The following HERC6 variants were observed in gnomAD, a reference collection of about 807,000 sequenced individuals.
HERC6 encodes probable E3 ubiquitin-protein ligase HERC6.
HERC6 carries 101 observed loss-of-function variants against 114.5 expected under a neutral mutation model. That is an observed-to-expected ratio of 0.88 (90% CI 0.75 to 1.04). The LOEUF (loss-of-function observed/expected upper bound fraction) is 1.04, where lower values mean the gene tolerates loss of function less well. HERC6 is among the 50% of genes least tolerant of loss of function. HERC6 has a pLI of 0.00. For synonymous variants in HERC6, 408 were observed against 436.2 expected (o/e 0.94, Z 0.81); for missense variants, 1,133 against 1,230.9 (o/e 0.92, Z 1.19).
intron 20 of HERC6, among the ~76,000 whole-genome samples, chr4:88,439,182 G>A (rs1208110559): frequency 1.3e-5 from 2 of 152,144 alleles, no homozygotes; most frequent in Non-Finnish European, 2.9e-5. Flanking sequence ...CTACAAAAGA[G>A]AGACAAGACC....
intron 12 of HERC6, 69 bp downstream of exon 12, chr4:88,413,335 A>G: frequency 2.7e-6 from 3 of 1,131,768 alleles, no homozygotes; most frequent in South Asian, 3.0e-5. Context: ...GTTGTAGCAA[A>G]TTTTGAATAG....
At chr4:88,409,563 G>A (rs1735983228) in intron 11 of HERC6, among the ~76,000 whole-genome samples, 1 of 152,164 alleles carries the variant, frequency 6.6e-6, no homozygotes, top group Non-Finnish European at 1.5e-5. Context: ...ATGCTCGAGA[G>A]GTGGATAATC....
At chr4:88,393,434 C>A in intron 4 of HERC6, 54 bp from the exon 5 acceptor site, 2 of 963,304 alleles carry the variant, frequency 2.1e-6, no homozygotes, top group South Asian at 1.8e-5. Context: ...TGTAAATAGT[C>A]ATGAAATCTG....
intron 16 of HERC6, 45 bp downstream of exon 16, chr4:88,428,795 G>T: frequency 7.1e-7 from 1 of 1,411,764 alleles, no homozygotes; most frequent in Non-Finnish European, 9.4e-7. Flanking sequence ...CTGTGGGAGG[G>T]ATGCATTCAT....
intron 3 of HERC6, among the ~76,000 whole-genome samples, chr4:88,386,456 T>C (rs1734589161): frequency 1.3e-5 from 2 of 152,184 alleles, no homozygotes; most frequent in Non-Finnish European, 2.9e-5. Flanking sequence ...TCCACCTGCC[T>C]TGGTCTCCCA....
rs1332678661 is a variant in HERC6 at position 88,413,257 on chromosome 4, C to T, written c.1549C>T (p.Gln517Ter). ...GTGTGAAATGAGTAAACAATCTTTG[C>T]AAGTCCTAAGTAAGTTTTATGTCAC... Reference protein sequence around the residue: ...AVCEMSKQSLQVLKKCWAFLQ... With the variant: ...AVCEMSKQSL Residue 517 changes from glutamine (Q) to a stop codon, truncating the protein, a stop_gained, in exon 12 of 23, where the codon CAA becomes TAA. Coordinates refer to ENST00000264346, the MANE Select transcript of HERC6 (RefSeq NM_017912.4). LOFTEE classifies it high-confidence loss of function. 1.9e-6 allele frequency: 3 copies of T among 1,611,204 alleles called. No homozygotes were observed. In the African/African-American group the frequency reaches 4.0e-5, roughly 22 times the overall value.
Position 88,439,741 on chromosome 4 carries a change from A to G in HERC6, c.2556-133A>G, listed in dbSNP as rs1006467650. On this transcript the variant is annotated intron_variant, in intron 20 of 22. Coordinates refer to ENST00000264346, the MANE Select transcript of HERC6 (RefSeq NM_017912.4). ...GACCAGGTTTTGGTCACAATACAAC[A>G]TTCTTGTGCTATATAGAAGTAATTT... The G allele has an allele frequency of 3.8e-6, 3 of 797,422 alleles. No individual in the cohort carries two copies. In the African/African-American group the frequency reaches 5.4e-5, roughly 14 times the overall value. The allele number at this position is 797,422 out of a possible 1,614,324, so 49.4% of individuals were successfully genotyped here. A position where few individuals can be genotyped will look rare whatever the true frequency, so the allele number is the denominator to read the frequency against.
chr4:88,415,835 A>C (rs895148481), intron 12 of HERC6, among the ~76,000 whole-genome samples: 1 of 152,234 alleles, frequency 6.6e-6, no homozygotes, highest in African/African-American at 2.4e-5. Context: ...TAATAATTGT[A>C]GGGAAACCAA....
In HERC6 at chr4:88,424,544, T is replaced by G. The variant is rs562810589; in HGVS notation, c.1828-51T>G. On this transcript the variant is annotated intron_variant, in intron 14 of 22. Coordinates refer to ENST00000264346, the MANE Select transcript of HERC6 (RefSeq NM_017912.4). ...GGCGATAAGGTAAAGGAAGTAAGTT[T>G]TTTTTCATTGTTTTTAATTATCAAA... is the stretch of plus-strand genomic sequence containing the variant. 6.5e-5 allele frequency: 90 copies of G among 1,392,806 alleles called. No individual in the cohort carries two copies. The African/African-American group carries it at 1.2e-3, about 19-fold the overall frequency. The allele number at this position is 1,392,806 out of a possible 1,614,324, so 86.3% of individuals were successfully genotyped here.
chr4:88,386,237 G>A (rs1253141338), intron 3 of HERC6, among the ~76,000 whole-genome samples: 1 of 118,306 alleles, frequency 8.5e-6, no homozygotes, highest in East Asian at 2.5e-4. Context: ...ATGGAGTCTT[G>A]TTCTGTCACC....
chr4:88,393,537 G>A lies in HERC6; in HGVS notation c.714G>A (p.Val238=), dbSNP rs1461759776. 1.2e-6 allele frequency: 2 copies of A among 1,612,754 alleles called. No homozygotes were observed. Among genetic ancestry groups the A allele is most frequent in the Admixed American group, 1.7e-5 (1 of 59,968 alleles). Residue 238 remains valine (V), a synonymous_variant, in exon 5 of 23, where the codon GTG becomes GTA. Transcript: ENST00000264346. ...LSVGALKNLG[V]VYISCGDAHT... The stretch of plus-strand genomic sequence containing the variant: ...TCGGTGCACTGAAGAATCTAGGTGT[G>A]GTTTATATCAGCTGTGGTGATGCAC...
At position 88,408,555 on chromosome 4, in the gene HERC6, G is replaced by A; in HGVS notation, c.1306G>A (p.Asp436Asn). The change falls in exon 11 of 23, where the codon GAC becomes AAC. Residue 436 changes from aspartate to asparagine, a missense_variant. By Grantham distance (23) the Asp-to-Asn change is conservative (BLOSUM62 1). This residue lies in a region of HERC6 where 735 missense variants were observed against 754.0 expected (regional missense o/e 0.97). Transcript: ENST00000264346. ...TGGAGAAACGACTTCCATTGATGTG[G>A]ACTTAGAAATGGCAAGAGATACCTT... ...GTGETTSIDV[D>N]LEMARDTFKK... 6.2e-7 allele frequency: 1 copy of A among 1,600,500 alleles called. No individual in the cohort carries two copies. Among genetic ancestry groups the A allele is most frequent in the East Asian group, 2.2e-5 (1 of 44,590 alleles).
At chr4:88,379,198 AC>A (rs1343774688) in intron 1 of HERC6, 78 bp downstream of exon 1, 7 of 1,212,544 alleles carry the variant, frequency 5.8e-6, no homozygotes, top group Non-Finnish European at 7.8e-6. Context: ...GGCGCAGGGA[AC>A]CGGGTGCGGA....
At chr4:88,380,171 ATATAAT>A (rs1734152187) in intron 1 of HERC6, among the ~76,000 whole-genome samples, 1 of 32,110 alleles carries the variant, frequency 3.1e-5, no homozygotes, top group African/African-American at 1.4e-4. Context: ...ATAAATATAT[ATATAAT>A]ATATAAATAT....
At position 88,416,596 on chromosome 4, in the gene HERC6, C is replaced by T. The variant is rs555735222; in HGVS notation, c.1559-829C>T. 1.4e-3 allele frequency among the ~76,000 whole-genome samples: 211 copies of T among 152,046 alleles called. 1 individual carries two copies. The highest frequency in any genetic ancestry group is 5.0e-3 in the African/African-American group (206 of 41,552). On this transcript the variant is annotated intron_variant, in intron 12 of 22. Coordinates refer to ENST00000264346, the MANE Select transcript of HERC6 (RefSeq NM_017912.4). Reference sequence around the variant, plus strand: ...AACTAAAATAATTCCCATCCTCCTGCTGTAATTGTTATTATTTTATTTTTA... The same window carrying T: ...AACTAAAATAATTCCCATCCTCCTGTTGTAATTGTTATTATTTTATTTTTA...
chr4:88,398,983 C>T (rs576473277), intron 8 of HERC6: 1 of 152,172 alleles, frequency 6.6e-6, no homozygotes, highest in Non-Finnish European at 1.5e-5. Context: ...CAGTAGCTTA[C>T]ACCATTATCC....
chr4:88,424,189 T>A (rs996582273), intron 14 of HERC6, among the ~76,000 whole-genome samples: 10 of 152,190 alleles, frequency 6.6e-5, no homozygotes, highest in Admixed American at 5.2e-4. Flanking sequence ...TAATTCGGAT[T>A]CTTACAGATT....
chr4:88,388,764 C>T (rs749239568), intron 3 of HERC6, among the ~76,000 whole-genome samples: 10 of 152,012 alleles, frequency 6.6e-5, no homozygotes, highest in Non-Finnish European at 1.2e-4. Flanking sequence ...TTCTTCCAGA[C>T]CTTTAGAGGT....
chr4:88,385,576 G>C lies in HERC6; in HGVS notation c.436+1G>C. 1 of 1,473,770 alleles carries C rather than the reference G, an allele frequency of 6.8e-7. No individual in the cohort carries two copies. The highest frequency in any genetic ancestry group is 9.1e-7 in the Non-Finnish European group (1 of 1,101,212). 91.3% of individuals were successfully genotyped at this position (1,473,770 alleles called of 1,614,324 possible). On this transcript the variant is annotated splice_donor_variant, in intron 3 of 22. Transcript: ENST00000264346. LOFTEE classifies it high-confidence loss of function. ...TACCACTCCCTGGCATTATCAAAAG[G>C]TAAGAAACACTTTTTGGATCTGAGT... is the stretch of plus-strand genomic sequence containing the variant.
Sources: allele counts gnomAD v4.1 joint callset (sites outside exome capture counted in the v4.1 genomes callset), GRCh38; gene constraint gnomAD v4.1.1; regional missense constraint gnomAD v4.1.1; transcripts MANE v1.5; gene names NCBI Gene and HGNC (gene_info 2026-07-23, HGNC 2026-07-21).